Variants in RTN1 observed in about 807,000 individuals in gnomAD.
RTN1 encodes reticulon 1.
A neutral mutation model predicts 65.5 loss-of-function variants in RTN1; 25 were observed. That is an observed-to-expected ratio of 0.38 (90% CI 0.28 to 0.53). The LOEUF (loss-of-function observed/expected upper bound fraction) is 0.53. Among genes scored for constraint, RTN1 ranks in the 20% least tolerant of loss-of-function variants. The pLI, the probability that RTN1 is intolerant of heterozygous loss-of-function variation, is 0.79. For synonymous variants in RTN1, 471 were observed against 447.6 expected (o/e 1.05, Z -0.66); for missense variants, 983 against 1,025.4 (o/e 0.96, Z 0.57).
At chr14:59,792,886 A>G (rs1178120565) in intron 1 of RTN1, among the ~76,000 whole-genome samples, 2 of 152,180 alleles carry the variant, frequency 1.3e-5, no homozygotes, top group Admixed American at 1.3e-4. Flanking sequence ...TGCGGCCCTC[A>G]GAATGAACAA....
In RTN1 at chr14:59,829,650, G is replaced by T. The variant is rs1183456860; in HGVS notation, c.241+40740C>A. ...CTGCTCATGCTCCCTGTCCAGGCAG[G>T]TTGGCTTGGGGACTCTGCTCTCCAC... On this transcript the variant is annotated intron_variant, in intron 1 of 8. Coordinates refer to ENST00000267484, the MANE Select transcript of RTN1 (RefSeq NM_021136.3). The surrounding 1 kb of genome is among the most constrained non-coding windows in gnomAD (Gnocchi z 4.3). Among the ~76,000 whole-genome samples, 1 of 152,228 alleles carries T rather than the reference G, an allele frequency of 6.6e-6. No homozygotes were observed. The highest frequency in any genetic ancestry group is 1.5e-5 in the Non-Finnish European group (1 of 68,032).
intron 8 of RTN1, among the ~76,000 whole-genome samples, chr14:59,598,568 G>T (rs569344289): frequency 2.6e-5 from 4 of 152,296 alleles, no homozygotes; most frequent in African/African-American, 9.6e-5. Flanking sequence ...TGGACAAGAG[G>T]AAGAGGTGCC....
chr14:59,803,671 T>C lies in RTN1; in HGVS notation c.242-57190A>G, dbSNP rs1886586787. ...TATTCATCATCCAGCTCTTTCTGCC[T>C]GGATACGTTACACTTTGCTTTTCAT... On this transcript the variant is annotated intron_variant, in intron 1 of 8. Coordinates refer to ENST00000267484, the MANE Select transcript of RTN1 (RefSeq NM_021136.3). This position sits in a 1 kb window ranked among gnomAD's most constrained non-coding sequence, Gnocchi z 5.6. Among the ~76,000 whole-genome samples the C allele has an allele frequency of 6.6e-6, 1 of 152,222 alleles. No individual in the cohort carries two copies. The highest frequency in any genetic ancestry group is 2.4e-5 in the African/African-American group (1 of 41,464).
chr14:59,867,864 TG>T (rs974122557), intron 1 of RTN1, among the ~76,000 whole-genome samples: 3 of 152,216 alleles, frequency 2.0e-5, no homozygotes, highest in Non-Finnish European at 4.4e-5. Flanking sequence ...TTCTGCCATG[TG>T]GGGACACAGT....
chr14:59,863,827 T>C (rs1887751928), intron 1 of RTN1, among the ~76,000 whole-genome samples: 1 of 152,228 alleles, frequency 6.6e-6, no homozygotes, highest in South Asian at 2.1e-4. Context: ...AACAACTTCA[T>C]TCTTGTGTTT....
At chr14:59,687,924 C>T (rs1185510514) in intron 3 of RTN1, among the ~76,000 whole-genome samples, 1 of 152,106 alleles carries the variant, frequency 6.6e-6, no homozygotes, top group African/African-American at 2.4e-5. Flanking sequence ...TCCAGGCATA[C>T]AGAGAGCCTG....
At chr14:59,689,997 T>G (rs199597175) in intron 3 of RTN1, among the ~76,000 whole-genome samples, 1 of 141,422 alleles carries the variant, frequency 7.1e-6, no homozygotes, top group Non-Finnish European at 1.6e-5. Context: ...TTTTTTTTTT[T>G]GGTAGAGATG....
intron 1 of RTN1, among the ~76,000 whole-genome samples, chr14:59,779,411 G>A (rs999007660): frequency 3.3e-5 from 5 of 152,052 alleles, no homozygotes; most frequent in Admixed American, 6.6e-5. Flanking sequence ...AGAAATGAAA[G>A]TGAGAAACCT....
At chr14:59,630,408 T>C (rs1460035710) in intron 3 of RTN1, 1 of 1,612,406 alleles carries the variant, frequency 6.2e-7, no homozygotes. Flanking sequence ...GGGTTTCCCG[T>C]GCGCCTCAGG....
At chr14:59,815,758 G>C (rs573503008) in intron 1 of RTN1, among the ~76,000 whole-genome samples, 1 of 151,966 alleles carries the variant, frequency 6.6e-6, no homozygotes, top group Non-Finnish European at 1.5e-5. Flanking sequence ...TTCCCAACTC[G>C]GATCCTATGG....
intron 8 of RTN1, among the ~76,000 whole-genome samples, chr14:59,600,825 C>A (rs942220222): frequency 7.2e-5 from 11 of 152,164 alleles, no homozygotes; most frequent in African/African-American, 2.7e-4. Flanking sequence ...GCATTGATTT[C>A]CAATTGTAAT....
At chr14:59,600,507 A>T (rs1335114971) in intron 8 of RTN1, among the ~76,000 whole-genome samples, 1 of 152,180 alleles carries the variant, frequency 6.6e-6, no homozygotes, top group Non-Finnish European at 1.5e-5. Flanking sequence ...TAACTGTACC[A>T]CTAAAGTGGT....
intron 1 of RTN1, among the ~76,000 whole-genome samples, chr14:59,839,302 C>T (rs1263765447): frequency 6.6e-6 from 1 of 152,080 alleles, no homozygotes; most frequent in Non-Finnish European, 1.5e-5. Flanking sequence ...ATTACAGGAA[C>T]CCTATCTTCC....
chr14:59,615,868 T>A (rs541545863), intron 3 of RTN1, among the ~76,000 whole-genome samples: 29 of 152,316 alleles, frequency 1.9e-4, no homozygotes, highest in African/African-American at 6.7e-4. Context: ...TTTGGAAAGC[T>A]AAGTCTCCTC....
chr14:59,736,223 A>G (rs1448385193), intron 2 of RTN1, among the ~76,000 whole-genome samples: 1 of 152,164 alleles, frequency 6.6e-6, no homozygotes, highest in African/African-American at 2.4e-5. Context: ...ACCCTTTAAA[A>G]ATAAACAAAT....
At chr14:59,824,463 T>C (rs2139632544) in intron 1 of RTN1, among the ~76,000 whole-genome samples, 1 of 152,308 alleles carries the variant, frequency 6.6e-6, no homozygotes, top group East Asian at 1.9e-4. Context: ...AGTTCACTCT[T>C]TGATTCACAA....
intron 1 of RTN1, among the ~76,000 whole-genome samples, chr14:59,861,480 A>G (rs1411638636): frequency 2.6e-5 from 4 of 152,202 alleles, no homozygotes; most frequent in Non-Finnish European, 5.9e-5. Context: ...AATACAAGTA[A>G]TAATGTAACA....
intron 3 of RTN1, among the ~76,000 whole-genome samples, chr14:59,660,450 C>T (rs1594660341): frequency 6.6e-6 from 1 of 152,264 alleles, no homozygotes; most frequent in East Asian, 1.9e-4. Context: ...TTTCTCTGTA[C>T]CACATTGCAC....
intron 1 of RTN1, among the ~76,000 whole-genome samples, chr14:59,809,261 A>G (rs919682441): frequency 2.0e-5 from 3 of 152,050 alleles, no homozygotes; most frequent in Non-Finnish European, 4.4e-5. Context: ...TGTATATCCT[A>G]TGTAAATCTC....
Sources: allele counts gnomAD v4.1 joint callset (sites outside exome capture counted in the v4.1 genomes callset), GRCh38; gene constraint gnomAD v4.1.1; non-coding constraint Gnocchi (gnomAD v3.1); transcripts MANE v1.5; gene names NCBI Gene and HGNC (gene_info 2026-07-23, HGNC 2026-07-21).